ACYP1: variants seen among roughly 807,000 people sequenced by gnomAD.
The protein encoded by ACYP1 is acylphosphatase 1.
In ACYP1, 8 loss-of-function variants were observed where a neutral mutation model predicts 10.4. The ratio of observed to expected loss-of-function variants is 0.77; its 90% CI spans 0.45 to 1.38. The LOEUF is 1.38. Ranked by LOEUF, ACYP1 falls within the 40% of genes most tolerant of loss-of-function variation. The pLI is 0.00. For missense variants in ACYP1, 93 were observed against 117.3 expected (o/e 0.79, Z 0.96); for synonymous variants, 38 against 40.8 (o/e 0.93, Z 0.26).
upstream of ACYP1, among the ~76,000 whole-genome samples, chr14:75,066,765 T>C (rs1422604147): frequency 6.6e-6 from 1 of 152,092 alleles, no homozygotes; most frequent in East Asian, 1.9e-4. Context: ...GGCAGGAGGA[T>C]TGCTTGAACC....
intron 2 of ACYP1, 51 bp downstream of exon 2, chr14:75,063,419 T>C (rs369633045): frequency 4.0e-6 from 6 of 1,485,650 alleles, no homozygotes; most frequent in East Asian, 4.5e-5. Context: ...ACGTCCCTTG[T>C]TCCTATGCCC....
At chr14:75,068,777 G>A (rs886767971), upstream of ACYP1, among the ~76,000 whole-genome samples, 2 of 151,956 alleles carry the variant, frequency 1.3e-5, no homozygotes, top group African/African-American at 4.8e-5. Context: ...GGTAACAGCT[G>A]TAATATGACA....
At chr14:75,068,329 CA>C, upstream of ACYP1, among the ~76,000 whole-genome samples, 1 of 152,044 alleles carries the variant, frequency 6.6e-6, no homozygotes, top group Admixed American at 6.5e-5. Flanking sequence ...TAAAAAACCC[CA>C]AAAACCAACA....
chr14:75,055,605 A>G (rs752109090), intron 2 of ACYP1, among the ~76,000 whole-genome samples: 4 of 151,582 alleles, frequency 2.6e-5, no homozygotes, highest in Non-Finnish European at 5.9e-5. Context: ...CCTCATAACC[A>G]TATTTTTGCT....
chr14:75,053,610 C>T lies in ACYP1; in HGVS notation c.134G>A (p.Arg45Gln), dbSNP rs749170874. Residue 45 changes from arginine to glutamine, a missense_variant, in exon 3 of 3, where the codon CGG becomes CAG. Physicochemically the swap from Arg to Gln is conservative, Grantham distance 43. Transcript: ENST00000238618. ...GLVGWVQNTD[R>Q]GTVQGQLQGP... is the part of the protein sequence containing the mutation. ...TTGCAATTGTCCTTGCACTGTGCCC[C>T]GGTCAGTGTTCTGGACCCAGCCTAC... The T allele has an allele frequency of 1.1e-5, 18 of 1,613,988 alleles. No homozygotes were observed. The highest frequency in any genetic ancestry group is 2.7e-5 in the African/African-American group (2 of 74,882).
chr14:75,056,150 A>G (rs1330914815), intron 2 of ACYP1, among the ~76,000 whole-genome samples: 1 of 151,424 alleles, frequency 6.6e-6, no homozygotes, highest in Admixed American at 6.6e-5. Flanking sequence ...TAAAAAGCCC[A>G]GGACCAGATG....
At chr14:75,062,447 A>G (rs1893046997) in intron 2 of ACYP1, among the ~76,000 whole-genome samples, 1 of 151,852 alleles carries the variant, frequency 6.6e-6, no homozygotes, top group Non-Finnish European at 1.5e-5. Context: ...ATTCACATTC[A>G]TGTTTCAAAG....
upstream of ACYP1, among the ~76,000 whole-genome samples, chr14:75,067,729 C>T (rs985324595): frequency 1.3e-5 from 2 of 152,028 alleles, no homozygotes; most frequent in African/African-American, 2.4e-5. Context: ...CCGTCTCTCA[C>T]GTCTATAATC....
intron 2 of ACYP1, chr14:75,061,597 C>T (rs1056116086): frequency 3.6e-6 from 3 of 828,322 alleles, no homozygotes; most frequent in Non-Finnish European, 5.6e-6. Flanking sequence ...ATGGGCTATG[C>T]ATACCACTAT....
Position 75,053,641 on chromosome 14 carries a change from C to T in ACYP1, c.103G>A (p.Gly35Arg), listed in dbSNP as rs1892802433. The T allele has an allele frequency of 6.2e-7, 1 of 1,614,004 alleles. No homozygotes were observed. Among genetic ancestry groups the T allele is most frequent in the Admixed American group, 1.7e-5 (1 of 59,996 alleles). ...GTGTTCTGGACCCAGCCTACCAATC[C>T]CAGCTTTTTACCCTCAGCCTAAGGG... ...KHTQAEGKKL[G>R]LVGWVQNTDR... Residue 35 changes from glycine (G) to arginine (R), a missense_variant, in exon 3 of 3, where the codon GGA becomes AGA. Gly to Arg is a moderately radical substitution (Grantham distance 125). Transcript: ENST00000238618.
chr14:75,059,571 T>C (rs753361359), intron 2 of ACYP1, among the ~76,000 whole-genome samples: 16 of 152,096 alleles, frequency 1.1e-4, no homozygotes, highest in Non-Finnish European at 1.9e-4. Flanking sequence ...GGGACTAGTA[T>C]CCAGAATAAA....
At chr14:75,065,720 C>T (rs576458602), upstream of ACYP1, among the ~76,000 whole-genome samples, 1 of 141,396 alleles carries the variant, frequency 7.1e-6, no homozygotes, top group South Asian at 2.3e-4. Context: ...GAGAGCTCAT[C>T]AGGAACCAGC....
At chr14:75,056,189 TA>T (rs1172803462) in intron 2 of ACYP1, among the ~76,000 whole-genome samples, 1 of 150,182 alleles carries the variant, frequency 6.7e-6, no homozygotes, top group African/African-American at 2.5e-5. Flanking sequence ...ACCAAATGTT[TA>T]AAAAAAAATC....
chr14:75,061,063 T>C (rs565118150), intron 2 of ACYP1, among the ~76,000 whole-genome samples: 1 of 143,778 alleles, frequency 7.0e-6, no homozygotes, highest in Non-Finnish European at 1.5e-5. Context: ...TGAGGCAGAG[T>C]TGAGACTCTG....
upstream of ACYP1, among the ~76,000 whole-genome samples, chr14:75,065,166 A>C (rs897537838): frequency 1.3e-5 from 2 of 152,274 alleles, no homozygotes; most frequent in African/African-American, 4.8e-5. Flanking sequence ...ATTTGAATCC[A>C]GCTACCCTTA....
chr14:75,059,141 G>A (rs1437191090), intron 2 of ACYP1, among the ~76,000 whole-genome samples: 18 of 134,844 alleles, frequency 1.3e-4, no homozygotes, highest in Non-Finnish European at 2.0e-4. Context: ...AGCCGAGATC[G>A]AGATCGCGCC....
At chr14:75,058,775 A>G (rs1042786763) in intron 2 of ACYP1, among the ~76,000 whole-genome samples, 1 of 146,078 alleles carries the variant, frequency 6.8e-6, no homozygotes, top group Non-Finnish European at 1.5e-5. Flanking sequence ...CACTTCAACA[A>G]ATGGTGCTGG....
chr14:75,069,340 C>G (rs779566471), exon 1 of ACYP1: 6 of 1,336,408 alleles, frequency 4.5e-6, no homozygotes, highest in Non-Finnish European at 5.8e-6. Context: ...CGCCCTTTGC[C>G]AGACAAGGGC....
intron 2 of ACYP1, 95 bp from the exon 3 acceptor site, chr14:75,053,754 CA>C: frequency 8.7e-7 from 1 of 1,150,106 alleles, no homozygotes; most frequent in South Asian, 1.4e-5. Context: ...AGAATCAAGC[CA>C]CTGAAACTAA....
Sources: gnomAD v4.1 joint callset for allele counts (sites outside exome capture counted in the v4.1 genomes callset) on GRCh38, gnomAD v4.1.1 for gene constraint, MANE v1.5 for transcripts, NCBI Gene and HGNC (gene_info 2026-07-23, HGNC 2026-07-21) for gene names.